Variants in BICD1 observed in about 807,000 individuals in gnomAD.
BICD1 encodes the protein protein bicaudal D homolog 1.
A neutral mutation model predicts 92.5 loss-of-function variants in BICD1; 35 were observed. The observed-to-expected ratio is 0.38, with a 90% CI of 0.29 to 0.50. The LOEUF (loss-of-function observed/expected upper bound fraction) is 0.50. Ranked by LOEUF, BICD1 falls within the 20% of genes least tolerant of loss-of-function variation. The pLI, the probability that BICD1 is intolerant of heterozygous loss-of-function variation, is 0.93. For missense variants in BICD1, 950 were observed against 1,189.8 expected (o/e 0.80, Z 2.97); for synonymous variants, 429 against 465.1 (o/e 0.92, Z 1.00).
chr12:32,270,290 A>G (rs984243753), intron 2 of BICD1, among the ~76,000 whole-genome samples: 1 of 152,238 alleles, frequency 6.6e-6, no homozygotes, highest in East Asian at 1.9e-4. Context: ...TATTCGTATT[A>G]TAGCTGATTC....
chr12:32,240,272 C>T lies in BICD1; in HGVS notation c.426+23813C>T, dbSNP rs547395527. ...GTACTATGAATTTTATGGCTGAAAA[C>T]AGCACGAACTTATTCCCTTGTAGTT... On this transcript the variant is annotated intron_variant, in intron 2 of 9. Coordinates refer to ENST00000652176, the MANE Select transcript of BICD1 (RefSeq NM_001714.4). Among the ~76,000 whole-genome samples, 5 of 152,252 alleles carry T rather than the reference C, an allele frequency of 3.3e-5. No homozygotes were observed. In the South Asian group the frequency reaches 1.0e-3, roughly 32 times the overall value.
intron 5 of BICD1, among the ~76,000 whole-genome samples, chr12:32,330,364 A>G (rs939337350): frequency 2.7e-5 from 4 of 148,626 alleles, no homozygotes; most frequent in African/African-American, 9.9e-5. Context: ...CATAGGTGGG[A>G]ATCGAACAAT....
chr12:32,121,973 C>T (rs535089516), intron 1 of BICD1, among the ~76,000 whole-genome samples: 7 of 152,000 alleles, frequency 4.6e-5, no homozygotes, highest in Admixed American at 1.3e-4. Context: ...GTCACCACAC[C>T]CAGCTAATTT....
At position 32,379,145 on chromosome 12, in the gene BICD1, C is replaced by T. The variant is rs1940095639; in HGVS notation, c.*1518C>T. ...TTCTCTTCAAAACAAAAATGACCCT[C>T]ACTGTTAACACAAAGGACAGTTACC... is the stretch of plus-strand genomic sequence containing the variant. On this transcript the variant is annotated 3_prime_UTR_variant, in exon 10 of 10. Coordinates refer to ENST00000652176, the MANE Select transcript of BICD1 (RefSeq NM_001714.4). 6.6e-6 allele frequency: 1 copy of T among 152,166 alleles called. No homozygotes were observed. Among genetic ancestry groups the T allele is most frequent in the Non-Finnish European group, 1.5e-5 (1 of 68,054 alleles). The allele number at this position is 152,166 out of a possible 1,614,324, so 9.4% of individuals were successfully genotyped here. A position where few individuals can be genotyped will look rare whatever the true frequency, so the allele number is the denominator to read the frequency against.
intron 1 of BICD1, among the ~76,000 whole-genome samples, chr12:32,202,495 A>G (rs1232172575): frequency 1.3e-5 from 2 of 152,206 alleles, no homozygotes; most frequent in Admixed American, 6.5e-5. Context: ...AGCTTCATCA[A>G]TATGTATTTG....
intron 1 of BICD1, among the ~76,000 whole-genome samples, chr12:32,166,032 A>C (rs1258623835): frequency 6.6e-6 from 1 of 152,174 alleles, no homozygotes; most frequent in Non-Finnish European, 1.5e-5. Context: ...TAGAGATTTT[A>C]TTAAACTGCC....
At chr12:32,349,400 TAC>T (rs1168615504) in intron 8 of BICD1, among the ~76,000 whole-genome samples, 2 of 152,164 alleles carry the variant, frequency 1.3e-5, no homozygotes, top group Non-Finnish European at 2.9e-5. Context: ...TCACAATAGG[TAC>T]CCAGAGAAGC....
intron 2 of BICD1, among the ~76,000 whole-genome samples, chr12:32,286,589 T>C (rs1947574826): frequency 6.6e-6 from 1 of 152,196 alleles, no homozygotes; most frequent in South Asian, 2.1e-4. Context: ...ACCAAGTAAC[T>C]TGACAATATA....
intron 2 of BICD1, among the ~76,000 whole-genome samples, chr12:32,238,377 G>T (rs1366392002): frequency 6.6e-6 from 1 of 152,208 alleles, no homozygotes; most frequent in Non-Finnish European, 1.5e-5. Context: ...AATGGATGAG[G>T]AGTTGCTTCT....
At chr12:32,326,126 T>C (rs1021682163) in intron 4 of BICD1, among the ~76,000 whole-genome samples, 1 of 151,442 alleles carries the variant, frequency 6.6e-6, no homozygotes, top group African/African-American at 2.4e-5. Context: ...ATACTTTCCT[T>C]TAGATATGAA....
chr12:32,301,560 G>A (rs1052322338), intron 3 of BICD1, among the ~76,000 whole-genome samples: 3 of 151,772 alleles, frequency 2.0e-5, no homozygotes, highest in African/African-American at 4.8e-5. Context: ...GGATTGCTTC[G>A]GTCCAGGAGT....
intron 1 of BICD1, among the ~76,000 whole-genome samples, chr12:32,131,136 C>T (rs1310277199): frequency 6.6e-6 from 1 of 152,112 alleles, no homozygotes; most frequent in Non-Finnish European, 1.5e-5. Context: ...CGCCAGGCTG[C>T]TCCGTGACAT....
chr12:32,126,523 G>A (rs1198711753), intron 1 of BICD1, among the ~76,000 whole-genome samples: 2 of 151,920 alleles, frequency 1.3e-5, no homozygotes, highest in Admixed American at 6.6e-5. Flanking sequence ...TTGGGAGGCC[G>A]AGGCGGGTGG....
chr12:32,226,856 A>T (rs183127518), intron 2 of BICD1, among the ~76,000 whole-genome samples: 363 of 152,290 alleles, frequency 2.4e-3, no homozygotes, highest in African/African-American at 7.2e-3. Flanking sequence ...TCCTGATAAC[A>T]CCCAACCCCT....
At chr12:32,235,706 T>C (rs1946046513) in intron 2 of BICD1, among the ~76,000 whole-genome samples, 2 of 150,688 alleles carry the variant, frequency 1.3e-5, no homozygotes, top group Non-Finnish European at 3.0e-5. Context: ...TCTTTTCTTT[T>C]TTTTTTTTTT....
At chr12:32,147,538 A>G (rs1943151996) in intron 1 of BICD1, among the ~76,000 whole-genome samples, 1 of 152,254 alleles carries the variant, frequency 6.6e-6, no homozygotes, top group African/African-American at 2.4e-5. Flanking sequence ...TTGTAAAATC[A>G]TTCATTATTT....
At chr12:32,241,879 A>G (rs1279027099) in intron 2 of BICD1, among the ~76,000 whole-genome samples, 1 of 152,056 alleles carries the variant, frequency 6.6e-6, no homozygotes, top group Non-Finnish European at 1.5e-5. Flanking sequence ...GGCTAACAGC[A>G]TAGCATTTCA....
intron 8 of BICD1, among the ~76,000 whole-genome samples, chr12:32,356,649 AG>A (rs1939122345): frequency 6.6e-6 from 1 of 152,096 alleles, no homozygotes; most frequent in Admixed American, 6.6e-5. Flanking sequence ...AAAAGAAAGA[AG>A]AAAGCTGAGA....
chr12:32,370,797 C>CT (rs764248654), intron 9 of BICD1, among the ~76,000 whole-genome samples: 3 of 152,194 alleles, frequency 2.0e-5, no homozygotes, highest in Non-Finnish European at 4.4e-5. Context: ...TTTTTAGTAT[C>CT]TTACCATTCC....
Sources: gnomAD v4.1 joint callset for allele counts (sites outside exome capture counted in the v4.1 genomes callset) on GRCh38, gnomAD v4.1.1 for gene constraint, MANE v1.5 for transcripts, NCBI Gene and HGNC (gene_info 2026-07-23, HGNC 2026-07-21) for gene names.